The following LINGO1 variants were observed in gnomAD, a reference collection of about 807,000 sequenced individuals.
LINGO1 encodes the protein leucine-rich repeat and immunoglobulin-like domain-containing nogo receptor-interacting protein 1.
A neutral mutation model predicts 37.3 loss-of-function variants in LINGO1; 11 were observed. The observed-to-expected ratio is 0.29, with a 90% CI of 0.19 to 0.49. LINGO1 has a LOEUF of 0.49. LINGO1 is among the 20% of genes least tolerant of loss of function. LINGO1 has a pLI of 0.99. For synonymous variants in LINGO1, 387 were observed against 403.0 expected (o/e 0.96, Z 0.48); for missense variants, 585 against 878.2 (o/e 0.67, Z 4.22).
At chr15:77,670,780 C>T (rs1476310650) in intron 3 of LINGO1, among the ~76,000 whole-genome samples, 1 of 152,218 alleles carries the variant, frequency 6.6e-6, no homozygotes, top group African/African-American at 2.4e-5. Context: ...CCAGCTGCTG[C>T]TGGGCAGGGA....
chr15:77,670,601 T>A (rs1358442604), intron 3 of LINGO1, among the ~76,000 whole-genome samples: 2 of 152,234 alleles, frequency 1.3e-5, no homozygotes, highest in Non-Finnish European at 2.9e-5. Context: ...GCACACTTCA[T>A]ACTCTGTAAA....
chr15:77,620,942 G>C (rs1387469016), intron 1 of LINGO1, among the ~76,000 whole-genome samples: 1 of 152,146 alleles, frequency 6.6e-6, no homozygotes, highest in Non-Finnish European at 1.5e-5. Context: ...GGTCCAGGGG[G>C]GCAGGGACGT....
chr15:77,685,725 T>C (rs4074365), intron 2 of LINGO1, among the ~76,000 whole-genome samples: 63,667 of 150,192 alleles, frequency 0.42, 14,620 homozygotes, highest in African/African-American at 0.62. Flanking sequence ...TGGTGGTGCA[T>C]CTGTAGTCCC....
intron 1 of LINGO1, among the ~76,000 whole-genome samples, chr15:77,617,546 C>A (rs1337231713): frequency 6.6e-6 from 1 of 152,212 alleles, no homozygotes; most frequent in Non-Finnish European, 1.5e-5. Flanking sequence ...GAAGCCCAGA[C>A]CGGATGTCCC....
intron 2 of LINGO1, among the ~76,000 whole-genome samples, chr15:77,716,167 T>A (rs2075981911): frequency 7.4e-6 from 1 of 135,504 alleles, no homozygotes; most frequent in Admixed American, 7.6e-5. Flanking sequence ...CAGCAATAAA[T>A]GGCAAAGCCA....
chr15:77,809,651 G>A (rs576568480), intron 1 of LINGO1, among the ~76,000 whole-genome samples: 14 of 152,310 alleles, frequency 9.2e-5, no homozygotes, highest in African/African-American at 3.1e-4. Flanking sequence ...CCAAGGACCC[G>A]TGCTGTTTCC....
chr15:77,680,403 CCTTG>C (rs2075395056), intron 2 of LINGO1, among the ~76,000 whole-genome samples: 1 of 152,188 alleles, frequency 6.6e-6, no homozygotes, highest in African/African-American at 2.4e-5. Context: ...GGGCAGGTCA[CCTTG>C]CTGCATATGT....
At chr15:77,625,881 A>G (rs1375684791) in intron 1 of LINGO1, among the ~76,000 whole-genome samples, 2 of 152,238 alleles carry the variant, frequency 1.3e-5, no homozygotes, top group East Asian at 3.9e-4. Context: ...CACTGCCCTC[A>G]CTGCTGGGGG....
chr15:77,775,549 C>T lies in LINGO1; in HGVS notation c.-257+11320G>A, dbSNP rs367731357. On this transcript the variant is annotated intron_variant, in intron 1 of 3. Coordinates refer to the LINGO1 transcript ENST00000561686. ...AAATGAGAAGACTTAAGGAAAGCCT[C>T]GGCCCCAGCAGCTCTGGTAGTGTGG... 9.9e-4 allele frequency among the ~76,000 whole-genome samples: 150 copies of T among 152,084 alleles called. 2 individuals carry two copies. Among genetic ancestry groups the T allele is most frequent in the Admixed American group, 9.8e-3 (149 of 15,278 alleles).
intron 1 of LINGO1, among the ~76,000 whole-genome samples, chr15:77,749,459 C>T (rs1282505209): frequency 1.3e-5 from 2 of 152,240 alleles, no homozygotes; most frequent in Non-Finnish European, 2.9e-5. Context: ...ACATCCTGGC[C>T]TCACAGCCCT....
rs534115809 is a variant in LINGO1, at chr15:77,615,123, C to T, written c.784G>A (p.Gly262Ser). 8.7e-6 allele frequency: 14 copies of T among 1,613,838 alleles called. No homozygotes were observed. The highest frequency in any genetic ancestry group is 2.2e-5 in the East Asian group (1 of 44,886). ...LDTMTPNCLY[G>S]LNLTSLSITH... ...ATGGACAGGGACGTCAGGTTGAGGC[C>T]GTAGAGGCAGTTGGGTGTCATGGTG... Residue 262 changes from glycine to serine, a missense_variant, in exon 2 of 2, where the codon GGC becomes AGC. Physicochemically the swap from Gly to Ser is moderately conservative, Grantham distance 56. Around this residue, in one of 4 missense-constraint regions of LINGO1, gnomAD observed 484 missense variants for 735.0 expected, o/e 0.66. Transcript: ENST00000355300.
intron 1 of LINGO1, among the ~76,000 whole-genome samples, chr15:77,810,310 T>A (rs923099430): frequency 2.1e-5 from 3 of 144,686 alleles, no homozygotes; most frequent in Non-Finnish European, 4.5e-5. Flanking sequence ...GTAACTAGGC[T>A]CACACACACA....
At chr15:77,724,788 G>A (rs1218638574) in intron 2 of LINGO1, among the ~76,000 whole-genome samples, 2 of 152,132 alleles carry the variant, frequency 1.3e-5, no homozygotes, top group Non-Finnish European at 2.9e-5. Context: ...GCCCACCACT[G>A]GGCCAGGCTC....
At chr15:77,634,429 A>G, upstream of LINGO1, 1 of 439,718 alleles carries the variant, frequency 2.3e-6, no homozygotes, top group South Asian at 1.7e-5. Flanking sequence ...GCAGGCGTCC[A>G]TGCTATGCTC....
intron 1 of LINGO1, among the ~76,000 whole-genome samples, chr15:77,801,249 G>C (rs2076915916): frequency 6.6e-6 from 1 of 152,170 alleles, no homozygotes; most frequent in Non-Finnish European, 1.5e-5. Flanking sequence ...GACCGAAAAA[G>C]AAATTGGAAA....
intron 2 of LINGO1, among the ~76,000 whole-genome samples, chr15:77,726,044 C>T (rs2076098903): frequency 6.6e-6 from 1 of 152,202 alleles, no homozygotes; most frequent in African/African-American, 2.4e-5. Flanking sequence ...TGAGAACTGC[C>T]TCTCACTGGC....
chr15:77,632,549 C>A lies in LINGO1; in HGVS notation c.-234G>T. On this transcript the variant is annotated 5_prime_UTR_variant, in exon 1 of 2. Coordinates refer to ENST00000355300, the MANE Select transcript of LINGO1 (RefSeq NM_032808.7). This position sits in a 1 kb window ranked among gnomAD's most constrained non-coding sequence, Gnocchi z 6.0. ...TCGGGAGTGGGGAGGCGGGAGGCCGCGGCCCCGGCGGGCGGATGGGCGGGC... is the reference window on the plus strand; with the variant it reads ...TCGGGAGTGGGGAGGCGGGAGGCCGAGGCCCCGGCGGGCGGATGGGCGGGC... The A allele has an allele frequency of 4.2e-6, 1 of 237,536 alleles. No homozygotes were observed. Among genetic ancestry groups the A allele is most frequent in the Non-Finnish European group, 7.8e-6 (1 of 127,412 alleles). The allele number at this position is 237,536 out of a possible 1,614,324, so 14.7% of individuals were successfully genotyped here. A position where few individuals can be genotyped will look rare whatever the true frequency, so the allele number is the denominator to read the frequency against.
chr15:77,783,858 C>T (rs1248743172), intron 1 of LINGO1, among the ~76,000 whole-genome samples: 2 of 152,164 alleles, frequency 1.3e-5, no homozygotes, highest in East Asian at 1.9e-4. Context: ...CCACTCCAGC[C>T]GGGAGTGGGA....
At chr15:77,645,477 C>T (rs1426491192) in intron 3 of LINGO1, among the ~76,000 whole-genome samples, 2 of 152,242 alleles carry the variant, frequency 1.3e-5, no homozygotes, top group African/African-American at 2.4e-5. Context: ...ATTTACTTAA[C>T]GTGCTGAAGG....
Sources: allele counts gnomAD v4.1 joint callset (sites outside exome capture counted in the v4.1 genomes callset), GRCh38; gene constraint gnomAD v4.1.1; regional missense constraint gnomAD v4.1.1; non-coding constraint Gnocchi (gnomAD v3.1); transcripts MANE v1.5; gene names NCBI Gene and HGNC (gene_info 2026-07-23, HGNC 2026-07-21).